Variants in C1QTNF3 observed in about 807,000 individuals in gnomAD.
C1QTNF3 encodes the protein complement C1q tumor necrosis factor-related protein 3.
Under a neutral mutation model 32.6 loss-of-function variants are expected in C1QTNF3, and 26 were observed. The ratio of observed to expected loss-of-function variants is 0.80; its 90% CI spans 0.58 to 1.11. The LOEUF is 1.11. Among genes scored for constraint, C1QTNF3 ranks in the 50% least tolerant of loss-of-function variants. The pLI is 0.00. For synonymous variants in C1QTNF3, 155 were observed against 146.0 expected, an observed-to-expected ratio of 1.06 and a Z score of -0.44; for missense variants, 362 against 398.2, an observed-to-expected ratio of 0.91 and a Z score of 0.77.
At chr5:34,066,192 T>G in the C1QTNF3 span, among the ~76,000 whole-genome samples, 2 of 152,166 alleles carry the variant, frequency 1.3e-5, no homozygotes, top group Non-Finnish European at 2.9e-5. Flanking sequence ...TGTTTCAGGT[T>G]TTGTCTTTCT....
chr5:34,051,307 T>C, the C1QTNF3 span, among the ~76,000 whole-genome samples: 1 of 152,246 alleles, frequency 6.6e-6, no homozygotes, highest in African/African-American at 2.4e-5. Context: ...AATTTTCTAT[T>C]GTTTACACCT....
the C1QTNF3 span, among the ~76,000 whole-genome samples, chr5:34,207,825 TCAC>T: frequency 1.3e-5 from 2 of 151,608 alleles, no homozygotes; most frequent in African/African-American, 4.9e-5. Flanking sequence ...TCTCACTCAG[TCAC>T]CCAGGCTGGA....
chr5:34,030,797 C>T (rs372979914), intron 3 of C1QTNF3, among the ~76,000 whole-genome samples: 5 of 152,038 alleles, frequency 3.3e-5, no homozygotes, highest in African/African-American at 9.7e-5. Flanking sequence ...ATGGATGGAA[C>T]GGGAGGCCAT....
chr5:34,131,758 C>T, the C1QTNF3 span, among the ~76,000 whole-genome samples: 1 of 152,054 alleles, frequency 6.6e-6, no homozygotes, highest in South Asian at 2.1e-4. Context: ...TTTCAAATTG[C>T]TAGAAGGGGT....
At chr5:34,035,797 C>G (rs759403697) in intron 1 of C1QTNF3, 39 bp from the exon 2 acceptor site, 1 of 1,496,826 alleles carries the variant, frequency 6.7e-7, no homozygotes, top group Non-Finnish European at 9.2e-7. Flanking sequence ...AAAAAAGGTA[C>G]TTGTGAGCAA....
At chr5:34,202,689 T>C in the C1QTNF3 span, among the ~76,000 whole-genome samples, 1 of 152,188 alleles carries the variant, frequency 6.6e-6, no homozygotes, top group Non-Finnish European at 1.5e-5. Flanking sequence ...CTTTTATACA[T>C]ATGTACATTG....
the C1QTNF3 span, among the ~76,000 whole-genome samples, chr5:34,075,514 T>C: frequency 6.6e-6 from 1 of 151,726 alleles, no homozygotes; most frequent in South Asian, 2.1e-4. Flanking sequence ...ATGTGAATTA[T>C]GAGTCTTCAA....
chr5:34,165,481 T>C, the C1QTNF3 span: 1 of 152,148 alleles, frequency 6.6e-6, no homozygotes, highest in African/African-American at 2.4e-5. Context: ...AATTTGATAA[T>C]GTATGTACAA....
At chr5:34,111,177 T>A in the C1QTNF3 span, among the ~76,000 whole-genome samples, 1 of 152,164 alleles carries the variant, frequency 6.6e-6, no homozygotes, top group Non-Finnish European at 1.5e-5. Context: ...ATCTATAGAT[T>A]CACTTGTTGA....
chr5:34,044,971 G>A (rs954270772), upstream of C1QTNF3, among the ~76,000 whole-genome samples: 5 of 152,194 alleles, frequency 3.3e-5, no homozygotes, highest in Admixed American at 6.5e-5. Context: ...AAAGGATGGC[G>A]CCTGTGTTTG....
chr5:34,231,430 T>G, the C1QTNF3 span, among the ~76,000 whole-genome samples: 1 of 152,236 alleles, frequency 6.6e-6, no homozygotes, highest in African/African-American at 2.4e-5. Flanking sequence ...AGAGAAATAC[T>G]TCATACACAG....
At chr5:34,057,068 T>C in the C1QTNF3 span, among the ~76,000 whole-genome samples, 12 of 152,300 alleles carry the variant, frequency 7.9e-5, no homozygotes, top group South Asian at 6.2e-4. Flanking sequence ...TAATAGTTAA[T>C]CTTTCATTTC....
chr5:34,042,119 C>T (rs1754885211), intron 1 of C1QTNF3, among the ~76,000 whole-genome samples: 1 of 151,588 alleles, frequency 6.6e-6, no homozygotes, highest in Non-Finnish European at 1.5e-5. Flanking sequence ...AACTCACTCT[C>T]ATACTACCAA....
the C1QTNF3 span, among the ~76,000 whole-genome samples, chr5:34,147,874 C>G: frequency 1.3e-5 from 2 of 152,142 alleles, no homozygotes; most frequent in Admixed American, 6.5e-5. Flanking sequence ...CGAATAGGAA[C>G]AGCTCCGGTC....
the C1QTNF3 span, among the ~76,000 whole-genome samples, chr5:34,090,448 AT>A: frequency 6.7e-6 from 1 of 148,612 alleles, no homozygotes; most frequent in African/African-American, 2.5e-5. Context: ...CAATGATAAA[AT>A]TTTTACATTT....
At chr5:34,097,278 A>G in the C1QTNF3 span, among the ~76,000 whole-genome samples, 1 of 151,976 alleles carries the variant, frequency 6.6e-6, no homozygotes, top group South Asian at 2.1e-4. Context: ...AACATTCACC[A>G]TCCTCTTCGT....
chr5:34,092,178 T>A, the C1QTNF3 span, among the ~76,000 whole-genome samples: 1 of 152,082 alleles, frequency 6.6e-6, no homozygotes, highest in Admixed American at 6.6e-5. Flanking sequence ...TTGTTCAAAT[T>A]ATTCAACAGA....
At position 34,042,974 on chromosome 5, in the gene C1QTNF3, C is replaced by A. The variant is rs745884570; in HGVS notation, c.152G>T (p.Gly51Val). ...CTCTCTCACTTTCTCCCTCCTGGAGCCGCTACGGCCAGTCTGCTGGTGGCT... is the reference window on the plus strand; with the variant it reads ...CTCTCTCACTTTCTCCCTCCTGGAGACGCTACGGCCAGTCTGCTGGTGGCT... Reference protein sequence around the residue: ...VQSHQQTGRSGSRREKVRERS... With the variant: ...VQSHQQTGRSVSRREKVRERS... Residue 51 changes from glycine (G) to valine (V), a missense_variant, in exon 1 of 6, where the codon GGC becomes GTC. Gly to Val is a moderately radical substitution (Grantham distance 109). Transcript: ENST00000382065. The A allele has an allele frequency of 1.2e-6, 2 of 1,614,092 alleles. No homozygotes were observed. The highest frequency in any genetic ancestry group is 2.7e-5 in the African/African-American group (2 of 74,928).
At chr5:34,051,558 T>C in the C1QTNF3 span, among the ~76,000 whole-genome samples, 3 of 152,232 alleles carry the variant, frequency 2.0e-5, no homozygotes. Flanking sequence ...ACTGGTTAGT[T>C]AAACACTGCC....
Sources: allele counts gnomAD v4.1 joint callset (sites outside exome capture counted in the v4.1 genomes callset), GRCh38; gene constraint gnomAD v4.1.1; transcripts MANE v1.5; gene names NCBI Gene and HGNC (gene_info 2026-07-23, HGNC 2026-07-21).